The following PTPRB variants were observed in gnomAD, a reference collection of about 807,000 sequenced individuals.
The protein encoded by PTPRB is receptor-type tyrosine-protein phosphatase beta.
Under a neutral mutation model 238.1 loss-of-function variants are expected in PTPRB, and 97 were observed. The observed-to-expected ratio is 0.41, with a 90% CI of 0.35 to 0.48. PTPRB has a LOEUF of 0.48. PTPRB is among the 20% of genes least tolerant of loss of function. The pLI, the probability that PTPRB is intolerant of heterozygous loss-of-function variation, is 0.30. For missense variants in PTPRB, 2,292 were observed against 2,681.9 expected (o/e 0.85, Z 3.21); for synonymous variants, 970 against 995.4 (o/e 0.97, Z 0.48).
intron 2 of PTPRB, among the ~76,000 whole-genome samples, chr12:70,630,569 G>C (rs1415953283): frequency 6.6e-6 from 1 of 152,144 alleles, no homozygotes; most frequent in Non-Finnish European, 1.5e-5. Context: ...TTCTGGCCAG[G>C]GCAATCAGGC....
chr12:70,517,782 A>G lies in PTPRB; in HGVS notation c.*3707T>C, dbSNP rs1306289173. The G allele has an allele frequency of 6.6e-6, 1 of 152,196 alleles. No individual in the cohort carries two copies. The highest frequency in any genetic ancestry group is 1.5e-5 in the Non-Finnish European group (1 of 68,034). 9.4% of individuals were successfully genotyped at this position (152,196 alleles called of 1,614,324 possible). On this transcript the variant is annotated 3_prime_UTR_variant, in exon 34 of 34. Transcript: ENST00000334414. ...GTCTCAGAGTTTGGGCTCAGATACT[A>G]CCACTGCTGTTGTGCAGATCTGGTA...
rs761478945 is a variant in PTPRB, at chr12:70,544,572, T to G, written c.5479A>C (p.Ile1827Leu). Residue 1827 changes from isoleucine to leucine, a missense_variant, in exon 22 of 34, where the codon ATC (isoleucine) becomes CTC (leucine). Coordinates refer to ENST00000334414, the MANE Select transcript of PTPRB (RefSeq NM_001109754.4). ...LYSDTFFSLPITTESEPLFGA... is the reference protein window; with the variant it reads ...LYSDTFFSLPLTTESEPLFGA... The stretch of plus-strand genomic sequence containing the variant: ...TTAGCCTTACCTGATTCAGTAGTGA[T>G]GGGTAAAGAAAAAAATGTGTCTGAA... The G allele has an allele frequency of 6.2e-7, 1 of 1,610,250 alleles. No individual in the cohort carries two copies. Among genetic ancestry groups the G allele is most frequent in the Non-Finnish European group, 8.5e-7 (1 of 1,177,370 alleles).
At chr12:70,527,429 G>T (rs1270217204) in intron 32 of PTPRB, among the ~76,000 whole-genome samples, 2 of 152,182 alleles carry the variant, frequency 1.3e-5, no homozygotes, top group Non-Finnish European at 2.9e-5. Flanking sequence ...GGTTGCATGG[G>T]TCATGGGAAA....
rs1364782226 is a variant in PTPRB at position 70,518,900 on chromosome 12, C to T, written c.*2589G>A. ...CACAGGTACACAGACAGGATGCCCA[C>T]CAAGACAGGAAATGGAGTGTTTACC... On this transcript the variant is annotated 3_prime_UTR_variant, in exon 34 of 34. Transcript: ENST00000334414. 2 of 151,800 alleles carry T rather than the reference C, an allele frequency of 1.3e-5. No homozygotes were observed. The highest frequency in any genetic ancestry group is 2.9e-5 in the Non-Finnish European group (2 of 67,974). The allele number at this position is 151,800 out of a possible 1,614,324, so 9.4% of individuals were successfully genotyped here. A position where few individuals can be genotyped will look rare whatever the true frequency, so the allele number is the denominator to read the frequency against.
chr12:70,520,136 T>A lies in PTPRB; in HGVS notation c.*1353A>T, dbSNP rs1871509164. 29 of 431,024 alleles carry A rather than the reference T, an allele frequency of 6.7e-5. No homozygotes were observed. Among genetic ancestry groups the A allele is most frequent in the South Asian group, 4.6e-4 (27 of 58,960 alleles). The allele number at this position is 431,024 out of a possible 1,614,324, so 26.7% of individuals were successfully genotyped here. On this transcript the variant is annotated 3_prime_UTR_variant, in exon 34 of 34. Coordinates refer to ENST00000334414, the MANE Select transcript of PTPRB (RefSeq NM_001109754.4). The stretch of plus-strand genomic sequence containing the variant: ...TTGTAGTGTGAAAAAGGCAAACATC[T>A]CCAGCTCATCTTCTCAGGTATCTAT...
chr12:70,609,481 A>C, intron 3 of PTPRB, 142 bp from the exon 4 acceptor site: 4 of 1,149,366 alleles, frequency 3.5e-6, no homozygotes, highest in Non-Finnish European at 4.8e-6. Flanking sequence ...CCCTCTGGCC[A>C]GAGAAGAGGC....
At chr12:70,589,876 T>G (rs1882295997) in intron 8 of PTPRB, 88 bp downstream of exon 8, 1 of 1,279,196 alleles carries the variant, frequency 7.8e-7, no homozygotes, top group Non-Finnish European at 1.1e-6. Context: ...CAGGGTATGA[T>G]ATTAGCAGTT....
chr12:70,597,547 C>A (rs1401204486), intron 4 of PTPRB, among the ~76,000 whole-genome samples: 14 of 152,204 alleles, frequency 9.2e-5, no homozygotes, highest in Non-Finnish European at 1.3e-4. Flanking sequence ...TATTGAGAGA[C>A]CTCTTTATGA....
intron 19 of PTPRB, 80 bp downstream of exon 19, chr12:70,555,790 G>T: frequency 6.7e-7 from 1 of 1,503,422 alleles, no homozygotes; most frequent in South Asian, 1.3e-5. Flanking sequence ...GAATAGCAGT[G>T]ATGGATATGA....
At chr12:70,584,123 T>C (rs1565977122) in intron 9 of PTPRB, among the ~76,000 whole-genome samples, 1 of 151,996 alleles carries the variant, frequency 6.6e-6, no homozygotes, top group Non-Finnish European at 1.5e-5. Flanking sequence ...AAAGTGAACA[T>C]AACAATTAAA....
At chr12:70,602,779 T>G (rs1312613422) in intron 4 of PTPRB, among the ~76,000 whole-genome samples, 2 of 152,192 alleles carry the variant, frequency 1.3e-5, no homozygotes, top group Non-Finnish European at 2.9e-5. Flanking sequence ...TTTTAGGTAC[T>G]GAGTTTTTCC....
chr12:70,555,679 G>A (rs180832068), intron 19 of PTPRB, among the ~76,000 whole-genome samples, 191 bp downstream of exon 19: 24 of 143,566 alleles, frequency 1.7e-4, no homozygotes, highest in Non-Finnish European at 3.5e-4. Flanking sequence ...TGCTGTCAGG[G>A]TACTTTACCC....
At chr12:70,580,320 C>T (rs1330419522) in intron 10 of PTPRB, among the ~76,000 whole-genome samples, 1 of 152,162 alleles carries the variant, frequency 6.6e-6, no homozygotes, top group African/African-American at 2.4e-5. Context: ...CCACCTCTAA[C>T]CATATTAATT....
intron 21 of PTPRB, among the ~76,000 whole-genome samples, chr12:70,548,937 G>A (rs1055329616): frequency 3.9e-5 from 6 of 152,118 alleles, no homozygotes; most frequent in African/African-American, 1.2e-4. Context: ...TTTAATTCCT[G>A]TGTTTTAATA....
At chr12:70,591,034 A>C (rs984848038) in intron 7 of PTPRB, among the ~76,000 whole-genome samples, 2 of 148,062 alleles carry the variant, frequency 1.4e-5, no homozygotes, top group African/African-American at 2.5e-5. Flanking sequence ...GGGCTCAAGC[A>C]ATCCTCCCAG....
At chr12:70,604,884 A>G (rs1213923907) in intron 4 of PTPRB, among the ~76,000 whole-genome samples, 1 of 152,204 alleles carries the variant, frequency 6.6e-6, no homozygotes, top group Non-Finnish European at 1.5e-5. Context: ...AAACCTGCAG[A>G]CACCTTCGCC....
intron 3 of PTPRB, among the ~76,000 whole-genome samples, chr12:70,612,437 T>C (rs889121564): frequency 2.6e-5 from 4 of 152,306 alleles, no homozygotes; most frequent in Admixed American, 2.6e-4. Context: ...TTGGTTCATT[T>C]TGGTTTTTGT....
chr12:70,563,032 T>C lies in PTPRB; in HGVS notation c.3980A>G (p.Glu1327Gly). 1.9e-6 allele frequency: 3 copies of C among 1,613,898 alleles called. No homozygotes were observed. The highest frequency in any genetic ancestry group is 1.7e-6 in the Non-Finnish European group (2 of 1,179,870). Residue 1327 changes from glutamate (E) to glycine (G), a missense_variant, in exon 16 of 34, where the codon GAG becomes GGG. Around this residue, in one of 4 missense-constraint regions of PTPRB, gnomAD observed 683 missense variants for 862.0 expected, o/e 0.79. Transcript: ENST00000334414. Reference protein sequence around the residue: ...RHLSFRWTASEGELSWYNIFL... With the variant: ...RHLSFRWTASGGELSWYNIFL... Reference sequence around the variant, plus strand: ...GATGTTGTACCAGCTGAGCTCCCCCTCTGAGGCGGTCCAGCGGAAGGACAG... The same window carrying C: ...GATGTTGTACCAGCTGAGCTCCCCCCCTGAGGCGGTCCAGCGGAAGGACAG...
rs575279890 is a variant in PTPRB at position 70,562,479 on chromosome 12, G to T, written c.4168+365C>A. Among the ~76,000 whole-genome samples the T allele has an allele frequency of 1.1e-4, 16 of 152,224 alleles. No individual in the cohort carries two copies. In the South Asian group the frequency reaches 3.1e-3, roughly 30 times the overall value. On this transcript the variant is annotated intron_variant, in intron 16 of 33. Transcript: ENST00000334414. Reference sequence around the variant, plus strand: ...GTTATATTTGTGGTTGCCCTTCTCTGCTCCTGCTCTCCTCTCCGTCTATTT... The same window carrying T: ...GTTATATTTGTGGTTGCCCTTCTCTTCTCCTGCTCTCCTCTCCGTCTATTT...
Sources: gnomAD v4.1 joint callset for allele counts (sites outside exome capture counted in the v4.1 genomes callset) on GRCh38, gnomAD v4.1.1 for gene constraint, gnomAD v4.1.1 regional missense constraint, MANE v1.5 for transcripts, NCBI Gene and HGNC (gene_info 2026-07-23, HGNC 2026-07-21) for gene names.